Variants in HIVEP3 observed in about 807,000 individuals in gnomAD.
HIVEP3 encodes the protein HIVEP zinc finger 3, also known as transcription factor HIVEP3.
A neutral mutation model predicts 152.8 loss-of-function variants in HIVEP3; 49 were observed. That is an observed-to-expected ratio of 0.32 (90% CI 0.26 to 0.41). HIVEP3 has a LOEUF of 0.41. Ranked by LOEUF, HIVEP3 falls within the 10% of genes least tolerant of loss-of-function variation. The probability of loss-of-function intolerance (pLI) is 1.00; values close to 1 mark genes in which losing one functional copy is unlikely to be tolerated. For synonymous variants in HIVEP3, 1,269 were observed against 1,289.0 expected (o/e 0.98, Z 0.33); for missense variants, 2,790 against 3,103.3 (o/e 0.90, Z 2.40).
chr1:41,807,075 G>A (rs1650673150), intron 1 of HIVEP3, among the ~76,000 whole-genome samples: 1 of 152,148 alleles, frequency 6.6e-6, no homozygotes, highest in Admixed American at 6.5e-5. Context: ...CTACTTTCCT[G>A]TGCTCTGATG....
chr1:42,026,673 C>G (rs1348896724), intron 1 of HIVEP3, among the ~76,000 whole-genome samples: 1 of 152,110 alleles, frequency 6.6e-6, no homozygotes, highest in Non-Finnish European at 1.5e-5. Context: ...CCCAAAGACT[C>G]TCTTCTTCCC....
At chr1:41,939,358 G>A (rs1570827964) in intron 1 of HIVEP3, among the ~76,000 whole-genome samples, 1 of 152,188 alleles carries the variant, frequency 6.6e-6, no homozygotes. Flanking sequence ...GAATAAAGGG[G>A]TTAGAACCTT....
chr1:41,555,377 TC>T (rs1385318149), intron 5 of HIVEP3, among the ~76,000 whole-genome samples: 3 of 152,208 alleles, frequency 2.0e-5, no homozygotes, highest in Non-Finnish European at 4.4e-5. Context: ...GCGGCAGTGT[TC>T]CGATTTTCCA....
intron 1 of HIVEP3, among the ~76,000 whole-genome samples, chr1:41,725,791 A>G (rs1007926848): frequency 1.3e-5 from 2 of 152,254 alleles, no homozygotes; most frequent in African/African-American, 4.8e-5. Flanking sequence ...ATAGTGGCTC[A>G]GAGAGATGAG....
intron 1 of HIVEP3, among the ~76,000 whole-genome samples, chr1:41,777,933 T>TGTGGTGGAGCACGCAC (rs1648813051): frequency 3.3e-5 from 5 of 152,364 alleles, no homozygotes; most frequent in Admixed American, 3.3e-4. Context: ...GCTTCACGCA[T>TGTGGTGGAGCACGCAC]GGTGTGGTGG....
chr1:41,707,439 C>T (rs1349066379), intron 1 of HIVEP3, among the ~76,000 whole-genome samples: 1 of 152,226 alleles, frequency 6.6e-6, no homozygotes, highest in East Asian at 1.9e-4. Context: ...GACTTACCCT[C>T]TCTCGGATGG....
chr1:41,629,817 G>A (rs763208998), intron 2 of HIVEP3, among the ~76,000 whole-genome samples: 2 of 152,160 alleles, frequency 1.3e-5, no homozygotes, highest in Non-Finnish European at 2.9e-5. Flanking sequence ...ATGCTTATAC[G>A]CGGTTGGCAG....
At chr1:41,603,354 C>T (rs573198012) in intron 3 of HIVEP3, among the ~76,000 whole-genome samples, 1 of 151,806 alleles carries the variant, frequency 6.6e-6, no homozygotes, top group East Asian at 1.9e-4. Flanking sequence ...AGTCGTGAGC[C>T]ACCGTGCCTG....
intron 1 of HIVEP3, among the ~76,000 whole-genome samples, chr1:41,989,820 G>A (rs1645346602): frequency 6.7e-6 from 1 of 149,296 alleles, no homozygotes; most frequent in African/African-American, 2.5e-5. Context: ...GTGTGTCTCT[G>A]CACGTGAGAT....
chr1:41,790,642 C>G (rs909789949), intron 1 of HIVEP3, among the ~76,000 whole-genome samples: 4 of 152,114 alleles, frequency 2.6e-5, no homozygotes, highest in Non-Finnish European at 5.9e-5. Flanking sequence ...GAGCAAGTAC[C>G]TCCCGCCAAA....
chr1:41,544,449 G>A (rs1643611319), intron 5 of HIVEP3: 1 of 151,854 alleles, frequency 6.6e-6, no homozygotes, highest in South Asian at 2.1e-4. Context: ...AACACCCTCT[G>A]GCTCTCATGG....
At chr1:41,512,152 A>C (rs1642442230) in intron 8 of HIVEP3, among the ~76,000 whole-genome samples, 1 of 151,988 alleles carries the variant, frequency 6.6e-6, no homozygotes, top group African/African-American at 2.4e-5. Context: ...AAGTGATATG[A>C]TATCGTTTGG....
At chr1:41,663,388 A>T (rs1645749089) in intron 2 of HIVEP3, among the ~76,000 whole-genome samples, 1 of 152,242 alleles carries the variant, frequency 6.6e-6, no homozygotes, top group African/African-American at 2.4e-5. Context: ...AATTTAACCA[A>T]GCACTCCCTT....
At chr1:41,635,820 T>C (rs1391705866) in intron 2 of HIVEP3, among the ~76,000 whole-genome samples, 1 of 151,750 alleles carries the variant, frequency 6.6e-6, no homozygotes, top group Non-Finnish European at 1.5e-5. Context: ...CAAAGAGAAT[T>C]TGATACATAA....
chr1:41,751,760 T>C (rs932158667), intron 1 of HIVEP3, among the ~76,000 whole-genome samples: 13 of 152,170 alleles, frequency 8.5e-5, no homozygotes, highest in Non-Finnish European at 1.8e-4. Context: ...GAGTGTCTAA[T>C]GCTTCCCATA....
chr1:42,003,024 C>T (rs1196175137), intron 1 of HIVEP3, among the ~76,000 whole-genome samples: 1 of 152,048 alleles, frequency 6.6e-6, no homozygotes, highest in African/African-American at 2.4e-5. Context: ...TAACTGCTAA[C>T]TAATATTTTT....
chr1:41,515,501 G>A (rs1162168940), intron 7 of HIVEP3, among the ~76,000 whole-genome samples: 1 of 151,550 alleles, frequency 6.6e-6, no homozygotes, highest in Non-Finnish European at 1.5e-5. Flanking sequence ...CCTTGCCTAG[G>A]ACTTTGGGAG....
At chr1:41,924,046 T>G (rs1644954503) in intron 1 of HIVEP3, among the ~76,000 whole-genome samples, 1 of 152,144 alleles carries the variant, frequency 6.6e-6, no homozygotes, top group South Asian at 2.1e-4. Context: ...GCAAAAGATG[T>G]GACTACGTTA....
chr1:41,931,850 T>C (rs1185430268), intron 1 of HIVEP3, among the ~76,000 whole-genome samples: 1 of 152,022 alleles, frequency 6.6e-6, no homozygotes, highest in Non-Finnish European at 1.5e-5. Context: ...AGAAACTTTT[T>C]AATGATCCTT....
Sources: allele counts gnomAD v4.1 joint callset (sites outside exome capture counted in the v4.1 genomes callset), GRCh38; gene constraint gnomAD v4.1.1; transcripts MANE v1.5; gene names NCBI Gene and HGNC (gene_info 2026-07-23, HGNC 2026-07-21).